Variants in NAV2 observed in about 807,000 individuals in gnomAD.
NAV2 encodes the protein helicase, APC down-regulated 1.
Under a neutral mutation model 223.2 loss-of-function variants are expected in NAV2, and 54 were observed. The ratio of observed to expected loss-of-function variants is 0.24; its 90% confidence interval spans 0.19 to 0.30. The LOEUF (loss-of-function observed/expected upper bound fraction) is 0.30, where lower values mean the gene tolerates loss of function less well. Ranked by LOEUF, NAV2 falls within the 10% of genes least tolerant of loss-of-function variation. The pLI is 1.00. For missense variants in NAV2, 2,806 were observed against 3,147.5 expected, an observed-to-expected ratio of 0.89 and a Z score of 2.60; for synonymous variants, 1,279 against 1,239.3, an observed-to-expected ratio of 1.03 and a Z score of -0.67.
At chr11:19,451,677 G>A (rs1052929515) in intron 1 of NAV2, among the ~76,000 whole-genome samples, 1 of 152,348 alleles carries the variant, frequency 6.6e-6, no homozygotes, top group South Asian at 2.1e-4. Flanking sequence ...GAATTGAAAG[G>A]CCTGCCTGTC....
chr11:19,603,657 G>C (rs911149476), intron 1 of NAV2, among the ~76,000 whole-genome samples: 1 of 146,278 alleles, frequency 6.8e-6, no homozygotes, highest in African/African-American at 2.6e-5. Flanking sequence ...AAAGAAAAAA[G>C]AAAAGAAACA....
At chr11:19,679,234 C>A (rs1590077728) in intron 1 of NAV2, among the ~76,000 whole-genome samples, 1 of 152,166 alleles carries the variant, frequency 6.6e-6, no homozygotes, top group South Asian at 2.1e-4. Context: ...AGTTCGAGAG[C>A]AGCCTGGCCA....
At chr11:19,719,977 C>T (rs969931140) in intron 1 of NAV2, among the ~76,000 whole-genome samples, 1 of 152,238 alleles carries the variant, frequency 6.6e-6, no homozygotes, top group Non-Finnish European at 1.5e-5. Flanking sequence ...TAGCCCAGGA[C>T]AGGACCAAGA....
At chr11:19,624,067 AG>A (rs2047088976) in intron 1 of NAV2, among the ~76,000 whole-genome samples, 1 of 152,180 alleles carries the variant, frequency 6.6e-6, no homozygotes, top group Non-Finnish European at 1.5e-5. Flanking sequence ...TCACCAGCGG[AG>A]GCTGCAGAAC....
intron 1 of NAV2, among the ~76,000 whole-genome samples, chr11:19,821,047 G>A (rs7128081): frequency 0.14 from 22,005 of 152,148 alleles, 2,141 homozygotes; most frequent in African/African-American, 0.27. Context: ...CAAATCACGA[G>A]GTCAGAAGAT....
At chr11:19,677,969 C>G (rs1356846746) in intron 1 of NAV2, among the ~76,000 whole-genome samples, 1 of 152,192 alleles carries the variant, frequency 6.6e-6, no homozygotes, top group Non-Finnish European at 1.5e-5. Flanking sequence ...CTGGAAACTG[C>G]TGGCCACAAT....
chr11:19,642,297 C>G (rs1208451326), intron 1 of NAV2, among the ~76,000 whole-genome samples: 3 of 152,194 alleles, frequency 2.0e-5, no homozygotes, highest in Non-Finnish European at 4.4e-5. Context: ...CAGACCTGCA[C>G]CAGAAGACAA....
intron 1 of NAV2, among the ~76,000 whole-genome samples, chr11:19,466,984 T>TACACACACACACAC (rs3042688): frequency 0.024 from 2,989 of 124,690 alleles, 34 homozygotes; most frequent in Non-Finnish European, 0.033. Flanking sequence ...TCTCTCTCTC[T>TACACACACACACAC]ACACACACAC....
rs1203046012 is a variant in NAV2, at chr11:19,447,901, A to G, written c.75+96874A>G. 2.0e-5 allele frequency among the ~76,000 whole-genome samples: 3 copies of G among 151,984 alleles called. No homozygotes were observed. The East Asian group carries it at 5.8e-4, about 29-fold the overall frequency. Reference sequence around the variant, plus strand: ...CACAGGGACCCCCGCCTCCATGCTCACCCCCAGCTCCCAATGAGCAGCTCA... The same window carrying G: ...CACAGGGACCCCCGCCTCCATGCTCGCCCCCAGCTCCCAATGAGCAGCTCA... On this transcript the variant is annotated intron_variant, in intron 1 of 37. Coordinates refer to the NAV2 transcript ENST00000360655.
At chr11:19,910,822 C>A (rs1211258981) in intron 6 of NAV2, among the ~76,000 whole-genome samples, 5 of 152,186 alleles carry the variant, frequency 3.3e-5, no homozygotes, top group Non-Finnish European at 7.3e-5. Flanking sequence ...AGTGCCACTG[C>A]ACTCCAGCCT....
At chr11:19,640,936 G>C (rs1047877932) in intron 1 of NAV2, among the ~76,000 whole-genome samples, 1 of 152,310 alleles carries the variant, frequency 6.6e-6, no homozygotes, top group Non-Finnish European at 1.5e-5. Flanking sequence ...CACCATTAGC[G>C]CTATACTTCC....
At chr11:19,965,522 C>T (rs1181797605) in intron 10 of NAV2, among the ~76,000 whole-genome samples, 1 of 152,144 alleles carries the variant, frequency 6.6e-6, no homozygotes, top group East Asian at 1.9e-4. Context: ...CATCTTGCTG[C>T]TAATATTTCT....
At chr11:19,996,531 T>C (rs1293806920) in intron 11 of NAV2, among the ~76,000 whole-genome samples, 1 of 152,204 alleles carries the variant, frequency 6.6e-6, no homozygotes, top group Non-Finnish European at 1.5e-5. Flanking sequence ...AGTATAATAT[T>C]TTTCTCTGAA....
rs188052035 is a variant in NAV2, at chr11:19,648,457, G to A, written c.76-184027G>A. ...AGAGCCAGCTGGTAAACATTTTCCCGCACATCACTGCCTGATAGGCCTCAA... is the reference window on the plus strand; with the variant it reads ...AGAGCCAGCTGGTAAACATTTTCCCACACATCACTGCCTGATAGGCCTCAA... On this transcript the variant is annotated intron_variant, in intron 1 of 37. Transcript: ENST00000360655. Among the ~76,000 whole-genome samples the A allele has an allele frequency of 9.9e-4, 151 of 152,228 alleles. 1 individual carries two copies. Among genetic ancestry groups the A allele is most frequent in the African/African-American group, 3.5e-3 (145 of 41,552 alleles).
In NAV2 at chr11:19,879,975, G is replaced by C; in HGVS notation, c.618G>C (p.Leu206=). Reference sequence around the variant, plus strand: ...AGAAGCAGCACCTCTCCTCACCTCTGCCGCCCGCCGTATCCCAGGTGGCCG... The same window carrying C: ...AGAAGCAGCACCTCTCCTCACCTCTCCCGCCCGCCGTATCCCAGGTGGCCG... The part of the protein sequence containing the change: ...QPQKQHLSSP[L]PPAVSQVAGA... The change falls in exon 5 of 38, where the codon CTG becomes CTC. Residue 206 remains leucine (L), a synonymous_variant. Transcript: ENST00000349880. The C allele has an allele frequency of 6.3e-7, 1 of 1,599,376 alleles. No individual in the cohort carries two copies. Among genetic ancestry groups the C allele is most frequent in the Non-Finnish European group, 8.5e-7 (1 of 1,173,862 alleles).
intron 12 of NAV2, among the ~76,000 whole-genome samples, chr11:20,037,426 G>A (rs1444572843): frequency 6.6e-6 from 1 of 151,106 alleles, no homozygotes; most frequent in Admixed American, 6.6e-5. Flanking sequence ...CCACAGAAAT[G>A]GAAACGTTTA....
At chr11:19,952,966 A>G (rs576090132) in intron 10 of NAV2, among the ~76,000 whole-genome samples, 1 of 152,260 alleles carries the variant, frequency 6.6e-6, no homozygotes, top group South Asian at 2.1e-4. Context: ...TGGATTGATA[A>G]ATTGGGCATT....
chr11:20,045,155 C>T lies in NAV2; in HGVS notation c.3387C>T (p.Ala1129=), dbSNP rs769380660. The stretch of plus-strand genomic sequence containing the variant: ...GGTTCAAGAAGCAGAGTGGTTCCGC[C>T]GCCGGCCTGGCCATGATCACAGCCA... ...SFGFKKQSGS[A]AGLAMITASG... Residue 1129 remains alanine, a synonymous_variant, in exon 14 of 38, where the codon GCC becomes GCT. Transcript: ENST00000349880. 1.2e-5 allele frequency: 19 copies of T among 1,614,102 alleles called. No individual in the cohort carries two copies. Among genetic ancestry groups the T allele is most frequent in the Middle Eastern group, 1.6e-4 (1 of 6,062 alleles).
At chr11:19,839,615 G>T (rs2152933474) in intron 2 of NAV2, among the ~76,000 whole-genome samples, 1 of 152,318 alleles carries the variant, frequency 6.6e-6, no homozygotes, top group Admixed American at 6.5e-5. Flanking sequence ...GCCAGTTTTT[G>T]TCTCTTCCCA....
Sources: allele counts gnomAD v4.1 joint callset (sites outside exome capture counted in the v4.1 genomes callset), GRCh38; gene constraint gnomAD v4.1.1; transcripts MANE v1.5; gene names NCBI Gene and HGNC (gene_info 2026-07-23, HGNC 2026-07-21).